Variants in TAFA1 observed in about 807,000 individuals in gnomAD.
TAFA1 encodes the protein TAFA chemokine like family member 1.
A neutral mutation model predicts 18.5 loss-of-function variants in TAFA1; 4 were observed. The ratio of observed to expected loss-of-function variants is 0.22; its 90% CI spans 0.11 to 0.49. The LOEUF (loss-of-function observed/expected upper bound fraction) is 0.49. TAFA1 is among the 20% of genes least tolerant of loss of function. TAFA1 has a pLI of 0.98. For missense variants in TAFA1, 147 were observed against 169.0 expected, an observed-to-expected ratio of 0.87 and a Z score of 0.72; for synonymous variants, 56 against 55.2, an observed-to-expected ratio of 1.01 and a Z score of -0.06.
chr3:68,039,496 C>T (rs1270091353), intron 2 of TAFA1, among the ~76,000 whole-genome samples: 2 of 152,010 alleles, frequency 1.3e-5, no homozygotes, highest in Non-Finnish European at 2.9e-5. Context: ...TGCTATTGTA[C>T]ATGTGTGTAT....
intron 3 of TAFA1, among the ~76,000 whole-genome samples, chr3:68,501,246 T>G (rs943224161): frequency 7.2e-5 from 11 of 151,874 alleles, no homozygotes; most frequent in African/African-American, 9.7e-5. Flanking sequence ...TACTCTTAAT[T>G]CTCTCATCTT....
chr3:68,522,502 T>C (rs2073044062), intron 3 of TAFA1, among the ~76,000 whole-genome samples: 2 of 152,314 alleles, frequency 1.3e-5, no homozygotes, highest in African/African-American at 4.8e-5. Flanking sequence ...TTCTAGTCAA[T>C]TGGACTGGTG....
At chr3:68,133,375 T>A (rs2065566838) in intron 2 of TAFA1, among the ~76,000 whole-genome samples, 1 of 152,214 alleles carries the variant, frequency 6.6e-6, no homozygotes, top group African/African-American at 2.4e-5. Context: ...CATATGAAAT[T>A]TAAAGTAGTT....
At chr3:68,061,301 A>T (rs560678699) in intron 2 of TAFA1, among the ~76,000 whole-genome samples, 1 of 152,362 alleles carries the variant, frequency 6.6e-6, no homozygotes, top group South Asian at 2.1e-4. Context: ...ATATAATTTT[A>T]AAAACAATTA....
chr3:68,487,135 A>G (rs1232519043), intron 3 of TAFA1, among the ~76,000 whole-genome samples: 1 of 152,208 alleles, frequency 6.6e-6, no homozygotes, highest in Non-Finnish European at 1.5e-5. Context: ...AATTGCAAAT[A>G]AGAGAGAATG....
At position 68,078,218 on chromosome 3, in the gene TAFA1, A is replaced by G. The variant is rs572566607; in HGVS notation, c.118+71474A>G. Among the ~76,000 whole-genome samples, 238 of 152,174 alleles carry G rather than the reference A, an allele frequency of 1.6e-3. 2 individuals carry two copies. The highest frequency in any genetic ancestry group is 5.3e-3 in the African/African-American group (221 of 41,494). On this transcript the variant is annotated intron_variant, in intron 2 of 4. Coordinates refer to ENST00000478136, the MANE Select transcript of TAFA1 (RefSeq NM_213609.4). ...GCTTAAGGAGATTTTGGGCTGAGAC[A>G]ATGGGGTTTTCTAGATATACAATCA...
At chr3:68,542,453 C>T (rs1220221776) in intron 4 of TAFA1, among the ~76,000 whole-genome samples, 1 of 151,988 alleles carries the variant, frequency 6.6e-6, no homozygotes, top group Non-Finnish European at 1.5e-5. Context: ...ATATCAAATA[C>T]GTAAGTTTGA....
chr3:68,286,276 A>G (rs1360877530), intron 2 of TAFA1, among the ~76,000 whole-genome samples: 1 of 152,202 alleles, frequency 6.6e-6, no homozygotes, highest in East Asian at 1.9e-4. Flanking sequence ...TTTTTTAAAA[A>G]TAGACCAGTA....
chr3:68,016,053 G>T (rs1704563481), intron 2 of TAFA1, among the ~76,000 whole-genome samples: 1 of 152,044 alleles, frequency 6.6e-6, no homozygotes, highest in African/African-American at 2.4e-5. Flanking sequence ...CAATTGCTGT[G>T]GTCCTTGTTT....
chr3:68,103,678 G>A (rs1014004142), intron 2 of TAFA1, among the ~76,000 whole-genome samples: 3 of 152,006 alleles, frequency 2.0e-5, no homozygotes, highest in Admixed American at 6.6e-5. Context: ...CATCACCACC[G>A]CTACTACCAT....
At chr3:68,467,332 A>T (rs1420082798) in intron 3 of TAFA1, among the ~76,000 whole-genome samples, 1 of 152,188 alleles carries the variant, frequency 6.6e-6, no homozygotes, top group Non-Finnish European at 1.5e-5. Flanking sequence ...AAGAGTATTG[A>T]TTAGGGAAGT....
intron 3 of TAFA1, among the ~76,000 whole-genome samples, chr3:68,457,998 C>T (rs2071698309): frequency 6.6e-6 from 1 of 152,154 alleles, no homozygotes; most frequent in Non-Finnish European, 1.5e-5. Context: ...ACCCATTAGA[C>T]ATTTTAATGA....
chr3:68,266,230 T>C (rs1206237503), intron 2 of TAFA1, among the ~76,000 whole-genome samples: 1 of 152,188 alleles, frequency 6.6e-6, no homozygotes, highest in Non-Finnish European at 1.5e-5. Context: ...TTTAAGCTTT[T>C]ACACACTGTA....
At chr3:68,061,292 T>C (rs1391931361) in intron 2 of TAFA1, among the ~76,000 whole-genome samples, 1 of 152,240 alleles carries the variant, frequency 6.6e-6, no homozygotes, top group Non-Finnish European at 1.5e-5. Context: ...GAAAATGATA[T>C]ATAATTTTAA....
chr3:68,110,222 G>A (rs773869030), intron 2 of TAFA1, among the ~76,000 whole-genome samples: 10 of 152,180 alleles, frequency 6.6e-5, no homozygotes, highest in South Asian at 2.1e-4. Flanking sequence ...GTGACAACAC[G>A]TGGTGTTTGT....
At chr3:68,329,240 G>A (rs183181926) in intron 2 of TAFA1, among the ~76,000 whole-genome samples, 5,573 of 55,492 alleles carry the variant, frequency 0.1, 128 homozygotes, top group Non-Finnish European at 0.14. Flanking sequence ...TTTTTTTTTT[G>A]TATTTTTAGT....
chr3:68,181,252 C>T (rs972923000), intron 2 of TAFA1, among the ~76,000 whole-genome samples: 8 of 152,030 alleles, frequency 5.3e-5, no homozygotes, highest in Non-Finnish European at 1.0e-4. Context: ...AAATTGTGCC[C>T]CAACTCCTGA....
chr3:68,341,318 TC>T (rs1038953554), intron 2 of TAFA1, among the ~76,000 whole-genome samples: 5 of 152,086 alleles, frequency 3.3e-5, no homozygotes, highest in Admixed American at 2.6e-4. Flanking sequence ...CTTGCTGTCT[TC>T]TTTTCATAGG....
At chr3:68,173,282 C>T (rs991080186) in intron 2 of TAFA1, among the ~76,000 whole-genome samples, 2 of 150,500 alleles carry the variant, frequency 1.3e-5, no homozygotes, top group African/African-American at 5.0e-5. Flanking sequence ...GATGTAAAAA[C>T]TGTCACAGAA....
Sources: allele counts gnomAD v4.1 joint callset (sites outside exome capture counted in the v4.1 genomes callset), GRCh38; gene constraint gnomAD v4.1.1; transcripts MANE v1.5; gene names NCBI Gene and HGNC (gene_info 2026-07-23, HGNC 2026-07-21).